PLD5: variants seen among roughly 807,000 people sequenced by gnomAD.
The protein encoded by PLD5 is phospholipase D family member 5.
In PLD5, 36 loss-of-function variants were observed where a neutral mutation model predicts 61.1. The ratio of observed to expected loss-of-function variants is 0.59; its 90% CI spans 0.45 to 0.78. PLD5 has a LOEUF of 0.78. Ranked by LOEUF, PLD5 falls within the 30% of genes least tolerant of loss-of-function variation. PLD5 has a pLI of 0.00. For synonymous variants in PLD5, 243 were observed against 242.8 expected (o/e 1.00, Z -0.01); for missense variants, 515 against 644.4 (o/e 0.80, Z 2.17).
intron 2 of PLD5, among the ~76,000 whole-genome samples, chr1:242,298,281 T>C (rs1049545883): frequency 1.3e-5 from 2 of 152,230 alleles, no homozygotes; most frequent in African/African-American, 2.4e-5. Flanking sequence ...CTATGGTTTG[T>C]TTTCGGAGCG....
chr1:242,109,910 G>T (rs998820503), intron 7 of PLD5, among the ~76,000 whole-genome samples: 4 of 151,676 alleles, frequency 2.6e-5, no homozygotes, highest in Admixed American at 1.3e-4. Flanking sequence ...CATGATTAAA[G>T]CATGAACAGC....
chr1:242,465,049 A>T (rs919357303), intron 1 of PLD5, among the ~76,000 whole-genome samples: 2 of 152,236 alleles, frequency 1.3e-5, no homozygotes, highest in Admixed American at 6.5e-5. Context: ...TTATGGGGTG[A>T]CAAAAATGTT....
chr1:242,261,286 G>T (rs185546462), intron 4 of PLD5, among the ~76,000 whole-genome samples: 3 of 152,092 alleles, frequency 2.0e-5, no homozygotes, highest in Admixed American at 6.5e-5. Flanking sequence ...TTTTTTAAAC[G>T]AACGACCCTC....
At chr1:242,405,289 G>A (rs12059992) in intron 1 of PLD5, among the ~76,000 whole-genome samples, 2,302 of 152,218 alleles carry the variant, frequency 0.015, 63 homozygotes, top group African/African-American at 0.053. Context: ...CAGCTAGGAC[G>A]ATTTTCCCAC....
chr1:242,096,625 A>T (rs1354831004), intron 9 of PLD5, among the ~76,000 whole-genome samples: 2 of 149,654 alleles, frequency 1.3e-5, no homozygotes, highest in East Asian at 3.9e-4. Flanking sequence ...TACAAGGGTG[A>T]GCCACCATAC....
At chr1:242,346,213 C>T (rs1309632396) in intron 2 of PLD5, among the ~76,000 whole-genome samples, 1 of 147,096 alleles carries the variant, frequency 6.8e-6, no homozygotes, top group Non-Finnish European at 1.5e-5. Flanking sequence ...ATAGCCAGAC[C>T]CTAATTCCAG....
At chr1:242,144,262 TTA>T (rs200329989) in intron 5 of PLD5, among the ~76,000 whole-genome samples, 7 of 93,252 alleles carry the variant, frequency 7.5e-5, no homozygotes, top group African/African-American at 2.2e-4. Context: ...TATTTTTTTT[TTA>T]AAATATTATT....
intron 1 of PLD5, among the ~76,000 whole-genome samples, chr1:242,494,948 C>T (rs1668322392): frequency 6.8e-6 from 1 of 146,096 alleles, no homozygotes; most frequent in Non-Finnish European, 1.5e-5. Context: ...GCAGTTGGTC[C>T]CTAAGTCCTC....
chr1:242,507,859 G>A (rs767876989), intron 1 of PLD5, among the ~76,000 whole-genome samples: 4 of 152,178 alleles, frequency 2.6e-5, no homozygotes, highest in Admixed American at 6.5e-5. Context: ...GAATAGGTGC[G>A]AGGCTAGATA....
chr1:242,411,254 G>C (rs756083789), intron 1 of PLD5, among the ~76,000 whole-genome samples: 6 of 133,298 alleles, frequency 4.5e-5, no homozygotes, highest in Non-Finnish European at 3.2e-5. Context: ...TTGTTTTTGT[G>C]AGACAGAGTC....
At chr1:242,458,829 C>A (rs1667023957) in intron 1 of PLD5, among the ~76,000 whole-genome samples, 1 of 152,158 alleles carries the variant, frequency 6.6e-6, no homozygotes, top group Non-Finnish European at 1.5e-5. Context: ...CTCCCCGTAG[C>A]CTTACACAGG....
At chr1:242,435,063 G>A (rs186934396) in intron 1 of PLD5, among the ~76,000 whole-genome samples, 1 of 151,346 alleles carries the variant, frequency 6.6e-6, no homozygotes, top group African/African-American at 2.4e-5. Flanking sequence ...TTTTTAAACA[G>A]CTGCACAGTA....
intron 5 of PLD5, among the ~76,000 whole-genome samples, chr1:242,202,927 G>T (rs1669073958): frequency 6.6e-6 from 1 of 151,954 alleles, no homozygotes; most frequent in Admixed American, 6.6e-5. Flanking sequence ...GTGTGAGAGG[G>T]GGTCTTTGTT....
At chr1:242,487,195 A>G (rs987568036) in intron 1 of PLD5, among the ~76,000 whole-genome samples, 1 of 152,184 alleles carries the variant, frequency 6.6e-6, no homozygotes, top group Admixed American at 6.5e-5. Context: ...CATGTACCCT[A>G]AAACTTAAAG....
intron 4 of PLD5, among the ~76,000 whole-genome samples, chr1:242,220,887 C>T (rs1013153724): frequency 2.6e-5 from 4 of 151,944 alleles, no homozygotes; most frequent in Non-Finnish European, 5.9e-5. Context: ...CAGGCATGTG[C>T]CACTATGCCC....
At chr1:242,277,524 G>T (rs1181749917) in intron 3 of PLD5, among the ~76,000 whole-genome samples, 6 of 139,726 alleles carry the variant, frequency 4.3e-5, no homozygotes, top group African/African-American at 1.6e-4. Flanking sequence ...AGAAAAAGGG[G>T]GAAAAGATAA....
intron 2 of PLD5, among the ~76,000 whole-genome samples, chr1:242,336,087 T>C (rs1178899544): frequency 1.3e-5 from 2 of 152,202 alleles, no homozygotes; most frequent in Non-Finnish European, 2.9e-5. Context: ...TGTGAAAAGA[T>C]TTTCAACACT....
intron 5 of PLD5, among the ~76,000 whole-genome samples, chr1:242,156,340 A>T (rs1392629483): frequency 6.6e-6 from 1 of 152,206 alleles, no homozygotes; most frequent in Non-Finnish European, 1.5e-5. Flanking sequence ...TGGGGCATTT[A>T]GCCCATTTAC....
intron 2 of PLD5, among the ~76,000 whole-genome samples, chr1:242,305,775 T>C (rs1488293798): frequency 6.6e-6 from 1 of 152,232 alleles, no homozygotes; most frequent in Non-Finnish European, 1.5e-5. Flanking sequence ...TTGGCCAGGA[T>C]GGTCTCGATC....
Sources: allele counts gnomAD v4.1 joint callset (sites outside exome capture counted in the v4.1 genomes callset), GRCh38; gene constraint gnomAD v4.1.1; transcripts MANE v1.5; gene names NCBI Gene and HGNC (gene_info 2026-07-23, HGNC 2026-07-21).